RP1L1: variants seen among roughly 807,000 people sequenced by gnomAD.
The protein encoded by RP1L1 is RP1 like 1, also known as retinitis pigmentosa 1-like 1 protein.
In RP1L1, 27 loss-of-function variants were observed where a neutral mutation model predicts 15.7. The ratio of observed to expected loss-of-function variants is 1.72; its 90% confidence interval spans 1.27 to 2.38. RP1L1 has a LOEUF of 2.38. Ranked by LOEUF, RP1L1 falls within the 30% of genes most tolerant of loss-of-function variation. The pLI is 0.00. For missense variants in RP1L1, 4,798 were observed against 3,075.9 expected (o/e 1.56, Z -13.24); for synonymous variants, 1,813 against 1,276.7 (o/e 1.42, Z -8.96).
rs762528365 is a variant in RP1L1, at chr8:10,612,722, G to C, written c.1376C>G (p.Thr459Ser). 6.2e-7 allele frequency: 1 copy of C among 1,605,780 alleles called. No homozygotes were observed. Among genetic ancestry groups the C allele is most frequent in the Non-Finnish European group, 8.5e-7 (1 of 1,179,146 alleles). ...SQDSASPASS[T>S]GLPEGSEPES... ...TGGCTCCGAGCCCTCGGGGAGGCCG[G>C]TGCTGGAGGCTGGGCTGGCACTGTC... Residue 459 changes from threonine to serine, a missense_variant, in exon 4 of 4, where the codon ACC becomes AGC. Transcript: ENST00000382483.
chr8:10,654,879 T>C lies in RP1L1; in HGVS notation c.-20+19A>G, dbSNP rs1396523553. 6 of 152,748 alleles carry C rather than the reference T, an allele frequency of 3.9e-5. No homozygotes were observed. Among genetic ancestry groups the C allele is most frequent in the Admixed American group, 1.3e-4 (2 of 15,286 alleles). The allele number at this position is 152,748 out of a possible 1,614,324, so 9.5% of individuals were successfully genotyped here. A position where few individuals can be genotyped will look rare whatever the true frequency, so the allele number is the denominator to read the frequency against. ...GGTGGCTGGCTGACCCTGCGGGACA[T>C]AGGCAGCTGCTGACTCACCGTCCTC... On this transcript the variant is annotated intron_variant, in intron 1 of 3. Coordinates refer to ENST00000382483, the MANE Select transcript of RP1L1 (RefSeq NM_178857.6).
Position 10,613,339 on chromosome 8 carries a change from C to G in RP1L1, c.759G>C (p.Trp253Cys), listed in dbSNP as rs777534976. Reference protein sequence around the residue: ...GLTSRNKNGSWGPKTKPSVIH... With the variant: ...GLTSRNKNGSCGPKTKPSVIH... Reference sequence around the variant, plus strand: ...TCACACTCGGCTTGGTCTTTGGCCCCCAGCTCCCTGGCACGCAGTGAAGAG... The same window carrying G: ...TCACACTCGGCTTGGTCTTTGGCCCGCAGCTCCCTGGCACGCAGTGAAGAG... The change falls in exon 4 of 4, where the codon TGG becomes TGC. Residue 253 changes from tryptophan to cysteine, a missense_variant. Coordinates refer to ENST00000382483, the MANE Select transcript of RP1L1 (RefSeq NM_178857.6). The G allele has an allele frequency of 1.6e-5, 25 of 1,599,874 alleles. No individual in the cohort carries two copies. The highest frequency in any genetic ancestry group is 4.4e-5 in the South Asian group (4 of 91,086).
intron 1 of RP1L1, among the ~76,000 whole-genome samples, chr8:10,635,932 A>T (rs1798322261): frequency 6.6e-6 from 1 of 152,244 alleles, no homozygotes; most frequent in East Asian, 1.9e-4. Flanking sequence ...ACCCGCGGAC[A>T]AAACCATCCC....
At position 10,611,356 on chromosome 8, in the gene RP1L1, G is replaced by T; in HGVS notation, c.2742C>A (p.Ser914Arg). ...ACAGCCCCCGAGACCCCGCACCCTG[G>T]CTGGCACTGCTTCTCCTTGATGCCC... ...NSGASRRSSA[S>R]QGAGSRGLSE... is the part of the protein sequence containing the mutation. Residue 914 changes from serine to arginine, a missense_variant, in exon 4 of 4, where the codon AGC becomes AGA. Transcript: ENST00000382483. 1 of 1,611,126 alleles carries T rather than the reference G, an allele frequency of 6.2e-7. No homozygotes were observed.
rs1287001952 is a variant in RP1L1 at position 10,613,267 on chromosome 8, C to G, written c.831G>C (p.Arg277Ser). 6.2e-7 allele frequency: 1 copy of G among 1,609,800 alleles called. No homozygotes were observed. Residue 277 changes from arginine to serine, a missense_variant, in exon 4 of 4, where the codon AGG becomes AGC. Arg to Ser is a moderately radical substitution (Grantham distance 110). Transcript: ENST00000382483. ...CCACCGGGGGGTTGCTAGGACCAGGCCTTTCTGGCAGCCGTGGCGTGCTGC... is the reference window on the plus strand; with the variant it reads ...CCACCGGGGGGTTGCTAGGACCAGGGCTTTCTGGCAGCCGTGGCGTGCTGC... ...PPGSTPRLPE[R>S]PGPSNPPVGP...
chr8:10,654,603 C>G (rs114855082), intron 1 of RP1L1, among the ~76,000 whole-genome samples: 3 of 152,224 alleles, frequency 2.0e-5, no homozygotes, highest in African/African-American at 4.8e-5. Context: ...ATTGCTCACC[C>G]TCCAGGTCCA....
At chr8:10,620,329 G>A (rs1282533116) in intron 2 of RP1L1, among the ~76,000 whole-genome samples, 3 of 152,196 alleles carry the variant, frequency 2.0e-5, no homozygotes, top group Non-Finnish European at 2.9e-5. Context: ...CAGTGGGCTG[G>A]GTGCGGTGGC....
intron 1 of RP1L1, among the ~76,000 whole-genome samples, chr8:10,641,143 C>A (rs918281385): frequency 5.3e-5 from 8 of 152,190 alleles, no homozygotes; most frequent in Non-Finnish European, 1.2e-4. Flanking sequence ...ACAGCTCATC[C>A]CATCATGGGC....
At chr8:10,638,847 T>C (rs896551045) in intron 1 of RP1L1, among the ~76,000 whole-genome samples, 2 of 152,040 alleles carry the variant, frequency 1.3e-5, no homozygotes, top group Admixed American at 6.6e-5. Flanking sequence ...TGCTCTCTGA[T>C]AGAGCAAGCA....
At position 10,611,584 on chromosome 8, in the gene RP1L1, C is replaced by A; in HGVS notation, c.2514G>T (p.Gln838His). Residue 838 changes from glutamine (Q) to histidine (H), a missense_variant, in exon 4 of 4, where the codon CAG becomes CAT. Transcript: ENST00000382483. ...AGCTAGCCTCAGGGGAGGGTCCCCG[C>A]TGGGCCTCTTGGGCCGGCTGCGTCC... Reference protein sequence around the residue: ...QPGTQPAQEAQRGPSPEASWL... With the variant: ...QPGTQPAQEAHRGPSPEASWL... 1.2e-6 allele frequency: 2 copies of A among 1,610,588 alleles called. No homozygotes were observed. Among genetic ancestry groups the A allele is most frequent in the Non-Finnish European group, 1.7e-6 (2 of 1,178,836 alleles).
At position 10,612,469 on chromosome 8, in the gene RP1L1, C is replaced by T. The variant is rs1372321959; in HGVS notation, c.1629G>A (p.Glu543=). 1.2e-6 allele frequency: 2 copies of T among 1,612,616 alleles called. No individual in the cohort carries two copies. The highest frequency in any genetic ancestry group is 1.7e-6 in the Non-Finnish European group (2 of 1,180,022). The change falls in exon 4 of 4, where the codon GAG becomes GAA. Residue 543 remains glutamate, a synonymous_variant. Transcript: ENST00000382483. The stretch of plus-strand genomic sequence containing the variant: ...GCCGCCCACCCCATTCGCTGGATCC[C>T]TCATGAGAGCCGGTGCTGGCTGACG... ...SDSSASTGSH[E]GSSEWGGRPQ...
rs199604262 is a variant in RP1L1, at chr8:10,609,267, G to C, written c.4831C>G (p.Arg1611Gly). The change falls in exon 4 of 4, where the codon CGG becomes GGG. Residue 1611 changes from arginine (R) to glycine (G), a missense_variant. Physicochemically the swap from Arg to Gly is moderately radical, Grantham distance 125. Coordinates refer to ENST00000382483, the MANE Select transcript of RP1L1 (RefSeq NM_178857.6). The part of the protein sequence containing the change: ...LQTQQRRHRL[R>G]GLRNLSAFSE... ...AAGGCCGAGAGGTTTCGCAGGCCCC[G>C]GAGACGGTGTCTGCGCTGCTGGGTC... is the stretch of plus-strand genomic sequence containing the variant. 6.8e-6 allele frequency: 11 copies of C among 1,609,266 alleles called. No homozygotes were observed. In the Middle Eastern group the frequency reaches 1.2e-3, roughly 169 times the overall value.
Position 10,610,141 on chromosome 8 carries a change from C to CCACTCTTCTT in RP1L1, c.3956_3957insAAGAAGAGTG (p.Val1320ArgfsTer10). On this transcript the variant is annotated frameshift_variant, in exon 4 of 4. Transcript: ENST00000382483. LOFTEE classifies it low-confidence loss of function (END_TRUNC). ...CTGTTTTAGTTTCCTCTAACTGCAC[C>CCACTCTTCTT]GCCTCTTCTTGCAGCCCTTCTCCTT... 1 of 1,513,546 alleles carries CCACTCTTCTT rather than the reference C, an allele frequency of 6.6e-7. No individual in the cohort carries two copies. Among genetic ancestry groups the CCACTCTTCTT allele is most frequent in the Non-Finnish European group, 8.9e-7 (1 of 1,123,572 alleles). The allele number at this position is 1,513,546 out of a possible 1,614,324, so 93.8% of individuals were successfully genotyped here.
chr8:10,628,339 C>G (rs1585986436), intron 1 of RP1L1, among the ~76,000 whole-genome samples: 1 of 152,114 alleles, frequency 6.6e-6, no homozygotes, highest in South Asian at 2.1e-4. Flanking sequence ...GTAATAGCCC[C>G]CCTCCCTTTC....
Position 10,612,022 on chromosome 8 carries a change from C to T in RP1L1, c.2076G>A (p.Arg692=), listed in dbSNP as rs1202820177. The change falls in exon 4 of 4, where the codon CGG becomes CGA. Residue 692 remains arginine, a synonymous_variant. Coordinates refer to ENST00000382483, the MANE Select transcript of RP1L1 (RefSeq NM_178857.6). ...CTGAGCCATCCTGGCAGGCCCTTCGCCGCTCAGGAGGCCTCGGCACTTGCT... is the reference window on the plus strand; with the variant it reads ...CTGAGCCATCCTGGCAGGCCCTTCGTCGCTCAGGAGGCCTCGGCACTTGCT... ...VTKQVPRPPE[R]RRACQDGSVP... 2 of 1,613,770 alleles carry T rather than the reference C, an allele frequency of 1.2e-6. No homozygotes were observed. Among genetic ancestry groups the T allele is most frequent in the Non-Finnish European group, 1.7e-6 (2 of 1,180,038 alleles).
In RP1L1 at chr8:10,654,980, A is replaced by G. The variant is rs1798617081; in HGVS notation, c.-102T>C. The G allele has an allele frequency of 6.5e-6, 1 of 152,926 alleles. No homozygotes were observed. Among genetic ancestry groups the G allele is most frequent in the African/African-American group, 2.4e-5 (1 of 41,468 alleles). The allele number at this position is 152,926 out of a possible 1,614,324, so 9.5% of individuals were successfully genotyped here. On this transcript the variant is annotated 5_prime_UTR_variant, in exon 1 of 4. Transcript: ENST00000382483. Reference sequence around the variant, plus strand: ...TTGGAGGAAAGTCAGGCCAGGGGGAACACCGCCTCCTTCCCTGCCAGTGGC... The same window carrying G: ...TTGGAGGAAAGTCAGGCCAGGGGGAGCACCGCCTCCTTCCCTGCCAGTGGC...
chr8:10,631,300 C>T (rs111719085), intron 1 of RP1L1, among the ~76,000 whole-genome samples: 15,987 of 131,974 alleles, frequency 0.12, 1,031 homozygotes, highest in Middle Eastern at 0.25. Context: ...CACACAAACA[C>T]GCATGCACAC....
Position 10,610,430 on chromosome 8 carries a change from AG to A in RP1L1, c.3667del (p.Leu1223TrpfsTer2), listed in dbSNP as rs1192177468. 6.2e-7 allele frequency: 1 copy of A among 1,613,860 alleles called. No individual in the cohort carries two copies. The highest frequency in any genetic ancestry group is 1.7e-5 in the Admixed American group (1 of 60,022). Reference protein sequence around the residue: ...SSVPCAMDGTLVTQGTELPLK... With the variant: ...SSVPCAMDGTXVTQGTELPLK... Reference sequence around the variant, plus strand: ...GGGCAGCTCTGTCCCCTGTGTCACCAGGGTGCCGTCCATGGCACAGGGTACG... The same window carrying A: ...GGGCAGCTCTGTCCCCTGTGTCACCAGGTGCCGTCCATGGCACAGGGTACG... On this transcript the variant is annotated frameshift_variant, in exon 4 of 4. Transcript: ENST00000382483. LOFTEE classifies it low-confidence loss of function (END_TRUNC).
At chr8:10,651,113 G>T (rs1262066681) in intron 1 of RP1L1, among the ~76,000 whole-genome samples, 2 of 152,174 alleles carry the variant, frequency 1.3e-5, no homozygotes, top group African/African-American at 2.4e-5. Context: ...GGCTCAGAAG[G>T]GGCAACTGAC....
Sources: allele counts gnomAD v4.1 joint callset (sites outside exome capture counted in the v4.1 genomes callset), GRCh38; gene constraint gnomAD v4.1.1; transcripts MANE v1.5; gene names NCBI Gene and HGNC (gene_info 2026-07-23, HGNC 2026-07-21).